PYGB: variants seen among roughly 807,000 people sequenced by gnomAD.
PYGB encodes glycogen phosphorylase B.
Under a neutral mutation model 94.3 loss-of-function variants are expected in PYGB, and 82 were observed. The observed-to-expected ratio is 0.87, with a 90% CI of 0.73 to 1.04. The LOEUF (loss-of-function observed/expected upper bound fraction) is 1.04. Ranked by LOEUF, PYGB falls within the 50% of genes least tolerant of loss-of-function variation. The probability of loss-of-function intolerance (pLI) is 0.00; values close to 1 mark genes in which losing one functional copy is unlikely to be tolerated. For missense variants in PYGB, 1,132 were observed against 1,158.2 expected, an observed-to-expected ratio of 0.98 and a Z score of 0.33; for synonymous variants, 488 against 479.1, an observed-to-expected ratio of 1.02 and a Z score of -0.24.
intron 14 of PYGB, chr20:25,284,997 G>A (rs968992434): frequency 4.6e-5 from 7 of 152,204 alleles, no homozygotes; most frequent in Non-Finnish European, 1.0e-4. Flanking sequence ...ATTTAATAAA[G>A]TAGGTATTTT....
rs112264028 is a variant in PYGB, at chr20:25,279,283, G to A, written c.1092+134G>A. The A allele has an allele frequency of 2.0e-3, 1,922 of 946,630 alleles. 34 individuals carry two copies. The African/African-American group carries it at 0.028, about 14-fold the overall frequency. 58.6% of individuals were successfully genotyped at this position (946,630 alleles called of 1,614,324 possible). On this transcript the variant is annotated intron_variant, in intron 9 of 19. Transcript: ENST00000216962. ...TGTGGTCATCATGCCCAGGAGAGAC[G>A]CGAGCTGTGGGAGGGGTCTGGTTCC...
At chr20:25,283,661 A>C (rs1038598832) in intron 13 of PYGB, among the ~76,000 whole-genome samples, 2 of 152,240 alleles carry the variant, frequency 1.3e-5, no homozygotes, top group Non-Finnish European at 2.9e-5. Context: ...CACCGGCAGC[A>C]GCCTCTCGGC....
chr20:25,274,440 A>G, intron 4 of PYGB, 152 bp from the exon 5 acceptor site: 2 of 1,122,152 alleles, frequency 1.8e-6, no homozygotes, highest in Non-Finnish European at 1.2e-6. Context: ...GGGCTTCGCC[A>G]GAAGTGGGAA....
intron 13 of PYGB, 92 bp from the exon 14 acceptor site, chr20:25,284,012 C>G (rs1043781778): frequency 6.7e-7 from 1 of 1,489,286 alleles, no homozygotes; most frequent in Non-Finnish European, 9.2e-7. Flanking sequence ...CCCTGCGGCA[C>G]TCTTCACAGG....
At chr20:25,290,041 C>T (rs187802881) in intron 15 of PYGB, 3 of 468,200 alleles carry the variant, frequency 6.4e-6, no homozygotes, top group African/African-American at 5.9e-5. Flanking sequence ...CGTGGTGTCT[C>T]AGTTCTCTGT....
At chr20:25,248,850 G>A (rs959690568) in intron 1 of PYGB, among the ~76,000 whole-genome samples, 1 of 152,284 alleles carries the variant, frequency 6.6e-6, no homozygotes, top group Non-Finnish European at 1.5e-5. Context: ...CAGCCTTGTG[G>A]GTTGGAATGG....
chr20:25,276,821 C>A, intron 6 of PYGB, 64 bp downstream of exon 6: 2 of 1,482,496 alleles, frequency 1.3e-6, no homozygotes, highest in South Asian at 1.2e-5. Context: ...ACACCCTCGC[C>A]CACAGCCTTT....
intron 4 of PYGB, among the ~76,000 whole-genome samples, chr20:25,273,984 A>C (rs1487907834): frequency 6.6e-6 from 1 of 152,168 alleles, no homozygotes; most frequent in Non-Finnish European, 1.5e-5. Flanking sequence ...GAGTGCTGGG[A>C]CTGTAGGCGT....
intron 5 of PYGB, among the ~76,000 whole-genome samples, 153 bp from the exon 6 acceptor site, chr20:25,276,493 G>C (rs1289530972): frequency 6.6e-6 from 1 of 151,918 alleles, no homozygotes; most frequent in Non-Finnish European, 1.5e-5. Flanking sequence ...GTGGTGCCGA[G>C]CATGGGCTGG....
chr20:25,293,164 G>A (rs1303552787), intron 17 of PYGB, among the ~76,000 whole-genome samples: 1 of 147,040 alleles, frequency 6.8e-6, no homozygotes, highest in South Asian at 2.1e-4. Context: ...GGGGGGGTTG[G>A]GGGGTGGCAG....
rs764832762 is a variant in PYGB, at chr20:25,290,484, G to A, written c.1831G>A (p.Ala611Thr). The A allele has an allele frequency of 1.2e-6, 2 of 1,604,042 alleles. No homozygotes were observed. The highest frequency in any genetic ancestry group is 2.7e-5 in the African/African-American group (2 of 74,822). The stretch of plus-strand genomic sequence containing the variant: ...AACCTTCACCCTCTCCTTCCAGGCA[G>A]CGCCCGGTTACCACATGGCCAAGCT... Reference protein sequence around the residue: ...PRTVMIGGKAAPGYHMAKLII... With the variant: ...PRTVMIGGKATPGYHMAKLII... Residue 611 changes from alanine to threonine, a missense_variant, in exon 16 of 20, where the codon GCG becomes ACG. Ala to Thr is a moderately conservative substitution (Grantham distance 58). Transcript: ENST00000216962.
chr20:25,260,670 C>T (rs141070913), intron 2 of PYGB, among the ~76,000 whole-genome samples: 32 of 152,310 alleles, frequency 2.1e-4, no homozygotes, highest in Middle Eastern at 3.4e-3. Context: ...TGAGCTAAAG[C>T]AGGGCGAGGC....
intron 4 of PYGB, among the ~76,000 whole-genome samples, chr20:25,272,255 G>A (rs2088274134): frequency 6.6e-6 from 1 of 152,216 alleles, no homozygotes; most frequent in African/African-American, 2.4e-5. Context: ...AAGATTTGTA[G>A]CATCAGAATG....
intron 1 of PYGB, among the ~76,000 whole-genome samples, chr20:25,250,511 T>G (rs2092884746): frequency 6.6e-6 from 1 of 152,232 alleles, no homozygotes. Context: ...TGTGTGCCTA[T>G]TCTGAATAGG....
In PYGB at chr20:25,296,626, T is replaced by C; in HGVS notation, c.*104T>C. 7.0e-7 allele frequency: 1 copy of C among 1,421,380 alleles called. No homozygotes were observed. The highest frequency in any genetic ancestry group is 2.4e-5 in the East Asian group (1 of 42,202). The allele number at this position is 1,421,380 out of a possible 1,614,324, so 88.0% of individuals were successfully genotyped here. A position where few individuals can be genotyped will look rare whatever the true frequency, so the allele number is the denominator to read the frequency against. ...GCCAGCCACTGGTGGTCCCTGCTTTTCTGAGTACCATGTTTCCAGGAGGGG... is the reference window on the plus strand; with the variant it reads ...GCCAGCCACTGGTGGTCCCTGCTTTCCTGAGTACCATGTTTCCAGGAGGGG... On this transcript the variant is annotated 3_prime_UTR_variant, in exon 20 of 20. Coordinates refer to ENST00000216962, the MANE Select transcript of PYGB (RefSeq NM_002862.4).
Position 25,271,450 on chromosome 20 carries a change from T to C in PYGB, c.492T>C (p.Phe164=), listed in dbSNP as rs541137682. 2.6e-5 allele frequency: 42 copies of C among 1,614,212 alleles called. 1 individual carries two copies. The Middle Eastern group carries it at 9.9e-4, about 38-fold the overall frequency. The change falls in exon 4 of 20, where the codon TTT becomes TTC. Residue 164 remains phenylalanine (F), a synonymous_variant. Coordinates refer to ENST00000216962, the MANE Select transcript of PYGB (RefSeq NM_002862.4). ...AAYGYGIRYE[F]GIFNQKIVNG... ...ACGGCTATGGAATCCGCTATGAATT[T>C]GGGATTTTTAACCAGAAGATTGTCA... is the stretch of plus-strand genomic sequence containing the variant.
rs185449883 is a variant in PYGB at position 25,253,512 on chromosome 20, C to T, written c.243+5091C>T. On this transcript the variant is annotated intron_variant, in intron 1 of 19. Coordinates refer to ENST00000216962, the MANE Select transcript of PYGB (RefSeq NM_002862.4). ...ATTAAAAATACAAAAATTAGCCGGG[C>T]GTGGTGGTGGACATCTGCAGTCCCA... Among the ~76,000 whole-genome samples the T allele has an allele frequency of 4.9e-3, 752 of 152,020 alleles. 4 individuals are homozygous for T. Among genetic ancestry groups the T allele is most frequent in the Non-Finnish European group, 7.0e-3 (476 of 68,006 alleles).
intron 1 of PYGB, 34 bp from the exon 2 acceptor site, chr20:25,259,203 A>G (rs757859685): frequency 1.3e-6 from 2 of 1,518,282 alleles, no homozygotes; most frequent in South Asian, 2.2e-5. Context: ...GTAGAATGGA[A>G]TGAGAAATCT....
chr20:25,263,495 GGTTTTTTGAAAAGATCAACAAAATTGATA>G (rs1470541677), intron 2 of PYGB, among the ~76,000 whole-genome samples: 1 of 152,126 alleles, frequency 6.6e-6, no homozygotes, highest in Non-Finnish European at 1.5e-5. Flanking sequence ...TCCAGGAGCT[GGTTTTTTGAAAAGATCAACAAAATTGATA>G]GACCGGTAGC....
Sources: gnomAD v4.1 joint callset for allele counts (sites outside exome capture counted in the v4.1 genomes callset) on GRCh38, gnomAD v4.1.1 for gene constraint, MANE v1.5 for transcripts, NCBI Gene and HGNC (gene_info 2026-07-23, HGNC 2026-07-21) for gene names.